GLRA3: variants seen among roughly 807,000 people sequenced by gnomAD.
The protein encoded by GLRA3 is glycine receptor subunit alpha-3.
GLRA3 carries 44 observed loss-of-function variants against 60.4 expected under a neutral mutation model. That is an observed-to-expected ratio of 0.73 (90% CI 0.57 to 0.94). GLRA3 has a LOEUF of 0.94. Among genes scored for constraint, GLRA3 ranks in the 40% least tolerant of loss-of-function variants. The pLI is 0.00. For synonymous variants in GLRA3, 223 were observed against 192.9 expected (o/e 1.16, Z -1.29); for missense variants, 508 against 564.6 (o/e 0.90, Z 1.02).
At chr4:174,776,466 G>A (rs977955790) in intron 2 of GLRA3, among the ~76,000 whole-genome samples, 3 of 151,562 alleles carry the variant, frequency 2.0e-5, no homozygotes, top group Non-Finnish European at 4.4e-5. Flanking sequence ...TATCCTGCAG[G>A]AAGAAGCAAC....
At position 174,642,121 on chromosome 4, in the gene GLRA3, C is replaced by T; in HGVS notation, c.*1665G>A. ...TACTTATAAAGGAGGGGAACTTGGT[C>T]TTTTACTAGCAAAAACTGCTTAACA... On this transcript the variant is annotated 3_prime_UTR_variant, in exon 10 of 10. Transcript: ENST00000274093. 1.1e-6 allele frequency: 1 copy of T among 891,230 alleles called. No homozygotes were observed. Among genetic ancestry groups the T allele is most frequent in the Non-Finnish European group, 1.3e-6 (1 of 744,048 alleles). 55.2% of individuals were successfully genotyped at this position (891,230 alleles called of 1,614,324 possible). A position where few individuals can be genotyped will look rare whatever the true frequency, so the allele number is the denominator to read the frequency against.
At chr4:174,644,563 A>G (rs748349473) in intron 9 of GLRA3, among the ~76,000 whole-genome samples, 25 of 152,282 alleles carry the variant, frequency 1.6e-4, no homozygotes, top group Non-Finnish European at 2.6e-4. Context: ...AGTCTAGTTC[A>G]ATAATACTGT....
At chr4:174,674,792 AG>A (rs1295925406) in intron 7 of GLRA3, among the ~76,000 whole-genome samples, 1 of 152,246 alleles carries the variant, frequency 6.6e-6, no homozygotes, top group East Asian at 1.9e-4. Flanking sequence ...CAGACTTCTG[AG>A]GGTTCTTTTG....
chr4:174,809,753 T>A (rs1740189496), intron 1 of GLRA3, among the ~76,000 whole-genome samples: 1 of 151,938 alleles, frequency 6.6e-6, no homozygotes, highest in Non-Finnish European at 1.5e-5. Flanking sequence ...AATTAAAAAA[T>A]AAAATAAAAA....
intron 1 of GLRA3, among the ~76,000 whole-genome samples, chr4:174,814,957 C>T (rs1740423371): frequency 6.6e-6 from 1 of 152,186 alleles, no homozygotes. Context: ...AGCATTAGCT[C>T]AGAAGTCCAC....
intron 8 of GLRA3, among the ~76,000 whole-genome samples, chr4:174,657,304 G>A (rs1164204925): frequency 6.6e-6 from 1 of 152,144 alleles, no homozygotes; most frequent in Non-Finnish European, 1.5e-5. Flanking sequence ...ATGTGTGGTG[G>A]ATGTAGGATA....
At chr4:174,696,717 T>G (rs534252753) in intron 5 of GLRA3, among the ~76,000 whole-genome samples, 1 of 152,164 alleles carries the variant, frequency 6.6e-6, no homozygotes, top group African/African-American at 2.4e-5. Flanking sequence ...TTTTTAAATT[T>G]ACTGTATTTT....
chr4:174,717,166 C>T (rs1179549435), intron 4 of GLRA3, among the ~76,000 whole-genome samples: 1 of 138,674 alleles, frequency 7.2e-6, no homozygotes, highest in African/African-American at 2.6e-5. Flanking sequence ...GAGCTAGGCT[C>T]ACACTGCTGA....
At chr4:174,666,646 T>C (rs935227825) in intron 7 of GLRA3, among the ~76,000 whole-genome samples, 1 of 151,134 alleles carries the variant, frequency 6.6e-6, no homozygotes, top group Non-Finnish European at 1.5e-5. Context: ...GTAGATTTCT[T>C]ACACTTTTTT....
At chr4:174,722,821 A>G (rs1046888784) in intron 4 of GLRA3, 1 of 167,016 alleles carries the variant, frequency 6.0e-6, no homozygotes, top group Non-Finnish European at 1.5e-5. Flanking sequence ...TTCTAGCACA[A>G]TTTTTGTTAA....
At chr4:174,699,810 TAATAATTAATA>T in intron 5 of GLRA3, among the ~76,000 whole-genome samples, 1 of 9,022 alleles carries the variant, frequency 1.1e-4, no homozygotes, top group Admixed American at 1.0e-3. Flanking sequence ...ATTATTTAAT[TAATAATTAATA>T]ATTTATTTGT....
chr4:174,665,119 C>A (rs1200593923), intron 7 of GLRA3, among the ~76,000 whole-genome samples: 1 of 152,148 alleles, frequency 6.6e-6, no homozygotes, highest in Admixed American at 6.6e-5. Flanking sequence ...GGGATAATTA[C>A]CACCTTATGC....
chr4:174,735,938 C>T (rs7666076), intron 3 of GLRA3, among the ~76,000 whole-genome samples: 1,831 of 152,200 alleles, frequency 0.012, 33 homozygotes, highest in African/African-American at 0.041. Context: ...GAACATATGA[C>T]GTGGCTCCTA....
At chr4:174,655,975 A>T (rs10029497) in intron 9 of GLRA3, among the ~76,000 whole-genome samples, 46,153 of 151,932 alleles carry the variant, frequency 0.3, 8,067 homozygotes, top group Admixed American at 0.48. Context: ...AGAACTACTT[A>T]TAAATATAGT....
intron 1 of GLRA3, among the ~76,000 whole-genome samples, chr4:174,803,764 G>A (rs1739916004): frequency 6.6e-6 from 1 of 152,132 alleles, no homozygotes; most frequent in Non-Finnish European, 1.5e-5. Context: ...GCTGAATGGT[G>A]ATAGTAGTAT....
At chr4:174,794,288 T>C (rs10000921) in intron 1 of GLRA3, among the ~76,000 whole-genome samples, 11,100 of 152,194 alleles carry the variant, frequency 0.073, 633 homozygotes, top group African/African-American at 0.16. Flanking sequence ...AGAGATGTCA[T>C]CTCTGTGCAC....
chr4:174,783,348 C>T, intron 2 of GLRA3, among the ~76,000 whole-genome samples: 1 of 135,394 alleles, frequency 7.4e-6, no homozygotes, highest in South Asian at 2.2e-4. Flanking sequence ...ACATGTTAGA[C>T]CTAAAACCAT....
intron 7 of GLRA3, among the ~76,000 whole-genome samples, chr4:174,668,850 T>C (rs1010659735): frequency 2.0e-5 from 3 of 152,130 alleles, no homozygotes; most frequent in Non-Finnish European, 2.9e-5. Flanking sequence ...TAATAAAACA[T>C]CACAGTGTAT....
intron 4 of GLRA3, among the ~76,000 whole-genome samples, chr4:174,719,421 A>T (rs928813428): frequency 6.6e-6 from 1 of 152,200 alleles, no homozygotes; most frequent in African/African-American, 2.4e-5. Context: ...TAGTGAAATT[A>T]TAGTTATATT....
Sources: gnomAD v4.1 joint callset for allele counts (sites outside exome capture counted in the v4.1 genomes callset) on GRCh38, gnomAD v4.1.1 for gene constraint, MANE v1.5 for transcripts, NCBI Gene and HGNC (gene_info 2026-07-23, HGNC 2026-07-21) for gene names.